Variants in MEF2C observed in about 807,000 individuals in gnomAD.
MEF2C encodes myocyte-specific enhancer factor 2C.
Under a neutral mutation model 50.5 loss-of-function variants are expected in MEF2C, and 6 were observed. The observed-to-expected ratio is 0.12, with a 90% CI of 0.07 to 0.23. The LOEUF (loss-of-function observed/expected upper bound fraction) is 0.23. MEF2C is among the 10% of genes least tolerant of loss of function. MEF2C has a pLI of 1.00. For synonymous variants in MEF2C, 183 were observed against 228.0 expected (o/e 0.80, Z 1.78); for missense variants, 276 against 605.0 (o/e 0.46, Z 5.70).
intron 1 of MEF2C, among the ~76,000 whole-genome samples, chr5:88,836,513 A>T (rs977287108): frequency 6.6e-6 from 1 of 152,062 alleles, no homozygotes; most frequent in Non-Finnish European, 1.5e-5. Context: ...AACTGAGGGG[A>T]TATGGAAAGT....
rs1348467012 is a variant in MEF2C, at chr5:88,816,577, C to A, written c.54+7158G>T. On this transcript the variant is annotated intron_variant, in intron 2 of 10. Transcript: ENST00000504921. ...TCTTCAATCACCAGCAATTCCAAAT[C>A]TTTGAATAAAAACTTTTCCCTTGGT... 3.5e-5 allele frequency among the ~76,000 whole-genome samples: 5 copies of A among 144,038 alleles called. 1 individual carries two copies. In the Admixed American group the frequency reaches 3.6e-4, roughly 10 times the overall value. 94.5% of individuals were successfully genotyped at this position (144,038 alleles called of 152,430 possible).
intron 3 of MEF2C, chr5:88,771,362 T>C: frequency 1.2e-6 from 1 of 841,480 alleles, no homozygotes; most frequent in African/African-American, 1.8e-5. Flanking sequence ...ACTCCTCCTC[T>C]CAGTTACACA....
At chr5:88,821,333 G>C (rs1171063342) in intron 2 of MEF2C, among the ~76,000 whole-genome samples, 1 of 151,976 alleles carries the variant, frequency 6.6e-6, no homozygotes, top group Non-Finnish European at 1.5e-5. Context: ...GTAGTAACAT[G>C]ATCACGGCTC....
At chr5:88,743,733 G>A (rs924992172) in intron 6 of MEF2C, 1 of 985,214 alleles carries the variant, frequency 1.0e-6, no homozygotes, top group Non-Finnish European at 1.2e-6. Flanking sequence ...ATTTATCCAC[G>A]GCAGTACACT....
chr5:88,864,139 GTTTT>G (rs75251768), intron 1 of MEF2C, among the ~76,000 whole-genome samples: 1 of 54,290 alleles, frequency 1.8e-5, no homozygotes, highest in African/African-American at 7.0e-5. Flanking sequence ...CATGTTTTCT[GTTTT>G]TTTTTTTGTT....
Position 88,728,601 on chromosome 5 carries a change from G to T in MEF2C, c.992C>A (p.Ser331Ter). Residue 331 changes from serine (S) to a stop codon, truncating the protein, a stop_gained, in exon 10 of 11, where the codon TCA becomes TAA. Coordinates refer to ENST00000504921, the MANE Select transcript of MEF2C (RefSeq NM_002397.5). LOFTEE classifies it high-confidence loss of function. ...GGCGGTGTTAAACCCAGACAGAGAT[G>T]ACAGGTCTGCACTACTCAGAGAGTA... ...TEYSLSSADL[S>*]SLSGFNTASA... 6.5e-7 allele frequency: 1 copy of T among 1,528,312 alleles called. No individual in the cohort carries two copies. 94.7% of individuals were successfully genotyped at this position (1,528,312 alleles called of 1,614,324 possible).
chr5:88,854,046 G>A (rs1049664984), intron 1 of MEF2C, among the ~76,000 whole-genome samples: 1 of 152,176 alleles, frequency 6.6e-6, no homozygotes, highest in Non-Finnish European at 1.5e-5. Context: ...TAGGAAAGAG[G>A]TGGAAGCATT....
At chr5:88,889,410 G>A in intron 1 of MEF2C, 1 of 152,754 alleles carries the variant, frequency 6.5e-6, no homozygotes, top group Non-Finnish European at 1.5e-5. Flanking sequence ...TTTTCTCCCG[G>A]CCGACGGAGC....
intron 3 of MEF2C, among the ~76,000 whole-genome samples, chr5:88,766,468 AC>A (rs1780103471): frequency 6.6e-6 from 1 of 152,154 alleles, no homozygotes; most frequent in African/African-American, 2.4e-5. Flanking sequence ...TAAATTATTG[AC>A]CTTTTTCGAT....
chr5:88,899,737 C>T (rs1472198248), intron 1 of MEF2C, among the ~76,000 whole-genome samples: 1 of 152,086 alleles, frequency 6.6e-6, no homozygotes, highest in Admixed American at 6.6e-5. Flanking sequence ...ATGCTATTTA[C>T]TATTTTGCTT....
chr5:88,764,211 T>A (rs999896127), intron 3 of MEF2C, among the ~76,000 whole-genome samples: 3 of 152,226 alleles, frequency 2.0e-5, no homozygotes, highest in Admixed American at 6.5e-5. Flanking sequence ...GGGTAGATAT[T>A]GTGTTTGGTT....
At chr5:88,892,299 T>C (rs1834678219) in intron 1 of MEF2C, 1 of 152,198 alleles carries the variant, frequency 6.6e-6, no homozygotes. Flanking sequence ...ATTATGCATA[T>C]GGTTTAAATC....
chr5:88,771,299 A>T, intron 3 of MEF2C: 2 of 481,446 alleles, frequency 4.2e-6, no homozygotes, highest in Non-Finnish European at 5.4e-6. Context: ...TCAATCCTTT[A>T]GAAACACTGC....
intron 1 of MEF2C, among the ~76,000 whole-genome samples, chr5:88,876,270 C>G (rs1250191202): frequency 2.0e-5 from 3 of 151,420 alleles, no homozygotes; most frequent in Non-Finnish European, 4.4e-5. Flanking sequence ...AATGTGTGTT[C>G]TTCTGTGTGT....
At chr5:88,854,480 A>G (rs1382201172) in intron 1 of MEF2C, among the ~76,000 whole-genome samples, 1 of 152,234 alleles carries the variant, frequency 6.6e-6, no homozygotes, top group Admixed American at 6.5e-5. Flanking sequence ...GAGACACTCA[A>G]AAAGTTCTCT....
chr5:88,818,354 G>C (rs549912178), intron 2 of MEF2C, among the ~76,000 whole-genome samples: 1 of 151,862 alleles, frequency 6.6e-6, no homozygotes, highest in East Asian at 1.9e-4. Context: ...TACAATAAAA[G>C]TGTCACAGAA....
chr5:88,742,332 A>G (rs1767213038), intron 6 of MEF2C: 1 of 984,936 alleles, frequency 1.0e-6, no homozygotes. Context: ...AAGAGAAAAG[A>G]CTGCTTTGAG....
intron 1 of MEF2C, among the ~76,000 whole-genome samples, chr5:88,832,803 T>A (rs1261045513): frequency 6.6e-6 from 1 of 152,204 alleles, no homozygotes; most frequent in African/African-American, 2.4e-5. Context: ...TTCTTGTGAA[T>A]ATAAACAAAT....
At chr5:88,859,133 AG>A (rs1824593790) in intron 1 of MEF2C, among the ~76,000 whole-genome samples, 2 of 152,360 alleles carry the variant, frequency 1.3e-5, no homozygotes, top group South Asian at 4.1e-4. Context: ...ATTGTTATTA[AG>A]AGTGTACACT....
Sources: gnomAD v4.1 joint callset for allele counts (sites outside exome capture counted in the v4.1 genomes callset) on GRCh38, gnomAD v4.1.1 for gene constraint, MANE v1.5 for transcripts, NCBI Gene and HGNC (gene_info 2026-07-23, HGNC 2026-07-21) for gene names.